PTPRB: variants seen among roughly 807,000 people sequenced by gnomAD.
PTPRB encodes the protein receptor-type tyrosine-protein phosphatase beta.
A neutral mutation model predicts 238.1 loss-of-function variants in PTPRB; 97 were observed. That is an observed-to-expected ratio of 0.41 (90% CI 0.35 to 0.48). PTPRB has a LOEUF of 0.48. Ranked by LOEUF, PTPRB falls within the 20% of genes least tolerant of loss-of-function variation. The pLI is 0.30. For missense variants in PTPRB, 2,292 were observed against 2,681.9 expected (o/e 0.85, Z 3.21); for synonymous variants, 970 against 995.4 (o/e 0.97, Z 0.48).
chr12:70,601,060 G>A (rs1883438879), intron 4 of PTPRB, among the ~76,000 whole-genome samples: 1 of 152,034 alleles, frequency 6.6e-6, no homozygotes, highest in African/African-American at 2.4e-5. Context: ...TAGAGATAGG[G>A]TTTCATTGTG....
chr12:70,623,594 T>C (rs983708307), intron 2 of PTPRB, among the ~76,000 whole-genome samples: 2 of 152,198 alleles, frequency 1.3e-5, no homozygotes, highest in East Asian at 1.9e-4. Flanking sequence ...GTGGTATGTT[T>C]AGATCTTCCC....
chr12:70,637,424 C>T lies in PTPRB; in HGVS notation c.-29G>A. On this transcript the variant is annotated 5_prime_UTR_variant, in exon 1 of 34. Transcript: ENST00000334414. ...CCACTTAGCAACTGTTCATGCTTCG[C>T]TTGGGGAAAAAAAAAATTCTCCCAG... 6.3e-7 allele frequency: 1 copy of T among 1,587,258 alleles called. No homozygotes were observed. Among genetic ancestry groups the T allele is most frequent in the Non-Finnish European group, 8.6e-7 (1 of 1,165,372 alleles).
At chr12:70,535,504 G>T (rs143744170) in intron 29 of PTPRB, among the ~76,000 whole-genome samples, 10 of 152,094 alleles carry the variant, frequency 6.6e-5, no homozygotes, top group African/African-American at 2.4e-4. Flanking sequence ...TTTACTGAGC[G>T]CAGATACTAG....
chr12:70,627,060 G>T (rs1271161346), intron 2 of PTPRB, among the ~76,000 whole-genome samples: 1 of 151,982 alleles, frequency 6.6e-6, no homozygotes, highest in East Asian at 1.9e-4. Flanking sequence ...TAATTGAAAG[G>T]CTAACTAAAT....
chr12:70,628,632 C>T (rs1440875215), intron 2 of PTPRB, among the ~76,000 whole-genome samples: 1 of 152,076 alleles, frequency 6.6e-6, no homozygotes, highest in Non-Finnish European at 1.5e-5. Context: ...AGAAATTTTC[C>T]CCATCTGATA....
Position 70,635,809 on chromosome 12 carries a change from C to T in PTPRB, c.313G>A (p.Glu105Lys), listed in dbSNP as rs769137908. The change falls in exon 2 of 34, where the codon GAA becomes AAA. Residue 105 changes from glutamate to lysine, a missense_variant. Glu to Lys is a moderately conservative substitution (Grantham distance 56, BLOSUM62 1). Transcript: ENST00000334414. The part of the protein sequence containing the change: ...CYDQEGFLEV[E>K]NASLFLQKQG... ...TTCTGGAGAAAGAGAGAGGCATTTTCCACCTCAAGGAAGCCTTCCTGATCA... is the reference window on the plus strand; with the variant it reads ...TTCTGGAGAAAGAGAGAGGCATTTTTCACCTCAAGGAAGCCTTCCTGATCA... The T allele has an allele frequency of 6.2e-7, 1 of 1,613,594 alleles. No homozygotes were observed. The highest frequency in any genetic ancestry group is 1.1e-5 in the South Asian group (1 of 91,018).
intron 4 of PTPRB, among the ~76,000 whole-genome samples, chr12:70,599,976 G>A (rs76800093): frequency 1.4e-5 from 2 of 137,944 alleles, no homozygotes; most frequent in Non-Finnish European, 3.2e-5. Context: ...GAAAGACCCT[G>A]TTTTTTTTTT....
At chr12:70,627,638 C>A (rs78403192) in intron 2 of PTPRB, among the ~76,000 whole-genome samples, 5,225 of 151,990 alleles carry the variant, frequency 0.034, 110 homozygotes, top group Non-Finnish European at 0.046. Context: ...ATGTCACAGG[C>A]TGAATATGGT....
intron 10 of PTPRB, among the ~76,000 whole-genome samples, chr12:70,576,902 T>A (rs1880842817): frequency 6.6e-6 from 1 of 152,118 alleles, no homozygotes; most frequent in Non-Finnish European, 1.5e-5. Flanking sequence ...AATACAAGGA[T>A]GCCACTACTG....
chr12:70,524,989 G>A (rs596297), intron 32 of PTPRB, among the ~76,000 whole-genome samples: 47,931 of 149,278 alleles, frequency 0.32, 8,079 homozygotes, highest in South Asian at 0.45. Flanking sequence ...GTGTGTGTGT[G>A]TATATATATA....
At chr12:70,561,232 G>A (rs1339552493) in intron 16 of PTPRB, among the ~76,000 whole-genome samples, 1 of 152,052 alleles carries the variant, frequency 6.6e-6, no homozygotes, top group African/African-American at 2.4e-5. Context: ...TTATGAAAAA[G>A]GCCCAGAAAA....
At chr12:70,547,980 T>C (rs1876273156) in intron 21 of PTPRB, among the ~76,000 whole-genome samples, 1 of 152,210 alleles carries the variant, frequency 6.6e-6, no homozygotes, top group Admixed American at 6.5e-5. Flanking sequence ...TATTTCTGGC[T>C]CCTAGTGCAG....
At chr12:70,614,039 GAGA>G (rs1254970466) in intron 3 of PTPRB, among the ~76,000 whole-genome samples, 2 of 152,174 alleles carry the variant, frequency 1.3e-5, no homozygotes. Context: ...GGAGGAAAAG[GAGA>G]AGGAGGAGGG....
At chr12:70,600,639 G>T (rs1883396811) in intron 4 of PTPRB, among the ~76,000 whole-genome samples, 1 of 151,846 alleles carries the variant, frequency 6.6e-6, no homozygotes. Flanking sequence ...TTATTTTATT[G>T]CCTTTACCTG....
intron 21 of PTPRB, among the ~76,000 whole-genome samples, chr12:70,549,424 A>T (rs1305613148): frequency 6.6e-6 from 1 of 152,198 alleles, no homozygotes; most frequent in Admixed American, 6.5e-5. Flanking sequence ...CACCATAATG[A>T]TCTGCCCTTT....
At chr12:70,523,256 G>A (rs1259603989) in intron 33 of PTPRB, among the ~76,000 whole-genome samples, 1 of 152,142 alleles carries the variant, frequency 6.6e-6, no homozygotes, top group Non-Finnish European at 1.5e-5. Context: ...CTGGGCTCAA[G>A]TGATTCTCCT....
Position 70,566,686 on chromosome 12 carries a change from C to T in PTPRB, c.3653G>A (p.Gly1218Glu), listed in dbSNP as rs200479826. The part of the protein sequence containing the change: ...VGRTVPASVQ[G>E]VIADNAYSSY... ...GCTGTATGCATTGTCTGCAATTACT[C>T]CTTGGACAGATGCTGGAACTGCAGA... Residue 1218 changes from glycine (G) to glutamate (E), a missense_variant, in exon 15 of 34, where the codon GGA becomes GAA. Physicochemically the swap from Gly to Glu is moderately conservative, Grantham distance 98. Around this residue, in one of 4 missense-constraint regions of PTPRB, gnomAD observed 683 missense variants for 862.0 expected, o/e 0.79. Coordinates refer to ENST00000334414, the MANE Select transcript of PTPRB (RefSeq NM_001109754.4). 1.2e-6 allele frequency: 2 copies of T among 1,613,252 alleles called. No individual in the cohort carries two copies. Among genetic ancestry groups the T allele is most frequent in the Non-Finnish European group, 8.5e-7 (1 of 1,179,470 alleles).
At chr12:70,568,437 A>G (rs1262275211) in intron 14 of PTPRB, among the ~76,000 whole-genome samples, 1 of 129,618 alleles carries the variant, frequency 7.7e-6, no homozygotes. Flanking sequence ...AGCTGGGACT[A>G]CAGGCGTCTG....
chr12:70,610,757 C>T (rs1355123455), intron 3 of PTPRB, among the ~76,000 whole-genome samples: 1 of 152,150 alleles, frequency 6.6e-6, no homozygotes, highest in Non-Finnish European at 1.5e-5. Flanking sequence ...ACCAAGTGTT[C>T]AACCCACAGC....
Sources: gnomAD v4.1 joint callset for allele counts (sites outside exome capture counted in the v4.1 genomes callset) on GRCh38, gnomAD v4.1.1 for gene constraint, gnomAD v4.1.1 regional missense constraint, MANE v1.5 for transcripts, NCBI Gene and HGNC (gene_info 2026-07-23, HGNC 2026-07-21) for gene names.